The following UBE2E3 variants were observed in gnomAD, a reference collection of about 807,000 sequenced individuals.
UBE2E3 encodes ubiquitin conjugating enzyme E2 E3.
In UBE2E3, 5 loss-of-function variants were observed where a neutral mutation model predicts 23.6. That is an observed-to-expected ratio of 0.21 (90% CI 0.11 to 0.44). UBE2E3 has a LOEUF of 0.44. UBE2E3 is among the 20% of genes least tolerant of loss of function. The pLI, the probability that UBE2E3 is intolerant of heterozygous loss-of-function variation, is 0.99. For synonymous variants in UBE2E3, 78 were observed against 87.5 expected, an observed-to-expected ratio of 0.89 and a Z score of 0.60; for missense variants, 81 against 249.8, an observed-to-expected ratio of 0.32 and a Z score of 4.55.
chr2:180,992,565 T>G (rs4666663), intron 3 of UBE2E3, among the ~76,000 whole-genome samples: 35,299 of 152,144 alleles, frequency 0.23, 4,463 homozygotes, highest in Non-Finnish European at 0.28. Flanking sequence ...CTGTGTATCT[T>G]GTAGCTCTGA....
At chr2:181,034,220 A>G (rs1204340627) in intron 3 of UBE2E3, among the ~76,000 whole-genome samples, 1 of 152,234 alleles carries the variant, frequency 6.6e-6, no homozygotes, top group Non-Finnish European at 1.5e-5. Context: ...ATAAAGACAC[A>G]TACACATGTA....
chr2:181,060,847 T>C (rs1416202600), intron 5 of UBE2E3, 35 bp downstream of exon 5: 2 of 643,668 alleles, frequency 3.1e-6, no homozygotes. Flanking sequence ...ACAATAAGAC[T>C]ACAAAAACGA....
intron 3 of UBE2E3, chr2:180,990,041 A>G (rs1219189347): frequency 4.9e-6 from 7 of 1,429,288 alleles, no homozygotes; most frequent in African/African-American, 4.3e-5. Flanking sequence ...CCACATACCA[A>G]TTTTGACAGG....
At chr2:180,990,015 A>G (rs1684608515) in intron 3 of UBE2E3, 1 of 1,502,512 alleles carries the variant, frequency 6.7e-7, no homozygotes, top group Non-Finnish European at 9.0e-7. Flanking sequence ...AGAGAAATAG[A>G]AAGTGATTTT....
At chr2:180,985,212 A>AT (rs1684419336) in intron 3 of UBE2E3, among the ~76,000 whole-genome samples, 2 of 152,180 alleles carry the variant, frequency 1.3e-5, no homozygotes, top group African/African-American at 4.8e-5. Context: ...GGAAACATGA[A>AT]TGTAAACTAA....
At chr2:181,054,193 G>T (rs529991251) in intron 3 of UBE2E3, among the ~76,000 whole-genome samples, 15 of 151,782 alleles carry the variant, frequency 9.9e-5, no homozygotes, top group Non-Finnish European at 2.2e-4. Flanking sequence ...TAAGTTTTCA[G>T]TTCATTTGAG....
Position 180,993,267 on chromosome 2 carries a change from A to G in UBE2E3, c.245+9174A>G, listed in dbSNP as rs145320678. On this transcript the variant is annotated intron_variant, in intron 3 of 5. Coordinates refer to ENST00000410062, the MANE Select transcript of UBE2E3 (RefSeq NM_006357.4). ...TCCTTCTTTTTGGTCCTTGATGTAT[A>G]TAATACTTGTTTTAACTTTATGGTT... Among the ~76,000 whole-genome samples the G allele has an allele frequency of 2.8e-3, 420 of 152,318 alleles. 3 individuals are homozygous for G. Among genetic ancestry groups the G allele is most frequent in the African/African-American group, 9.7e-3 (404 of 41,570 alleles).
At chr2:181,042,894 C>A (rs1052958123) in intron 3 of UBE2E3, among the ~76,000 whole-genome samples, 6 of 152,200 alleles carry the variant, frequency 3.9e-5, no homozygotes, top group Non-Finnish European at 8.8e-5. Flanking sequence ...CGTCACACAT[C>A]TGGTAAATGC....
rs745573273 is a variant in UBE2E3, at chr2:180,981,999, C to T, written c.-25-19C>T. On this transcript the variant is annotated intron_variant, in intron 1 of 5. Coordinates refer to ENST00000410062, the MANE Select transcript of UBE2E3 (RefSeq NM_006357.4). The stretch of plus-strand genomic sequence containing the variant: ...AGATTTAACATTTTCTCCTCCTCCT[C>T]CCCTGTTCTCTTTAAAAGTTTTCCA... The T allele has an allele frequency of 3.2e-6, 5 of 1,541,856 alleles. No homozygotes were observed. The highest frequency in any genetic ancestry group is 2.3e-5 in the East Asian group (1 of 44,416).
chr2:180,988,312 A>G (rs1297751649), intron 3 of UBE2E3, among the ~76,000 whole-genome samples: 3 of 152,160 alleles, frequency 2.0e-5, no homozygotes, highest in African/African-American at 7.2e-5. Flanking sequence ...ATTGAGTACA[A>G]GTACATAACA....
At chr2:181,029,839 C>CTTTT (rs546001645) in intron 3 of UBE2E3, among the ~76,000 whole-genome samples, 9 of 131,946 alleles carry the variant, frequency 6.8e-5, no homozygotes, top group African/African-American at 2.5e-4. Context: ...AATTCGGTCC[C>CTTTT]TTTTTTTTTT....
intron 3 of UBE2E3, among the ~76,000 whole-genome samples, chr2:181,034,687 A>AG (rs146019158): frequency 6.6e-6 from 1 of 151,938 alleles, no homozygotes; most frequent in Non-Finnish European, 1.5e-5. Context: ...AAAAAAAATT[A>AG]AAAAGAAATT....
chr2:181,062,054 A>G (rs1214355504), intron 5 of UBE2E3, among the ~76,000 whole-genome samples: 2 of 151,722 alleles, frequency 1.3e-5, no homozygotes, highest in Admixed American at 6.6e-5. Flanking sequence ...CATATACACA[A>G]CATAATATTC....
intron 5 of UBE2E3, 42 bp downstream of exon 5, chr2:181,060,854 A>G: frequency 7.2e-7 from 1 of 1,384,768 alleles, no homozygotes; most frequent in Non-Finnish European, 9.5e-7. Flanking sequence ...GACTACAAAA[A>G]CGAGTGCTTT....
At chr2:181,026,691 C>T (rs1426005339) in intron 3 of UBE2E3, among the ~76,000 whole-genome samples, 1 of 151,712 alleles carries the variant, frequency 6.6e-6, no homozygotes, top group Non-Finnish European at 1.5e-5. Flanking sequence ...TTTGTTCCGC[C>T]ATTACTTCAG....
At position 180,990,131 on chromosome 2, in the gene UBE2E3, C is replaced by G. The variant is rs1410372463; in HGVS notation, c.245+6038C>G. 4 of 831,606 alleles carry G rather than the reference C, an allele frequency of 4.8e-6. No homozygotes were observed. The South Asian group carries it at 6.7e-5, about 14-fold the overall frequency. 51.5% of individuals were successfully genotyped at this position (831,606 alleles called of 1,614,324 possible). On this transcript the variant is annotated intron_variant, in intron 3 of 5. Transcript: ENST00000410062. ...TTTAACCTTTCTTTTGCCTTTTGAT[C>G]AGTGGTTCTCAACTGAGGCAATTTT...
Position 180,984,220 on chromosome 2 carries a change from A to G in UBE2E3, c.245+127A>G, listed in dbSNP as rs181545238. On this transcript the variant is annotated intron_variant, in intron 3 of 5. Coordinates refer to ENST00000410062, the MANE Select transcript of UBE2E3 (RefSeq NM_006357.4). ...TTCTTTACAGCTTTGCAAGTGCATT[A>G]AACAAAAATTGTAGAAGGTGAACTA... The G allele has an allele frequency of 5.6e-3, 3,803 of 682,658 alleles. 21 individuals carry two copies. Among genetic ancestry groups the G allele is most frequent in the Middle Eastern group, 6.6e-3 (24 of 3,652 alleles). The allele number at this position is 682,658 out of a possible 1,614,324, so 42.3% of individuals were successfully genotyped here.
chr2:181,012,121 G>A (rs1272433910), intron 3 of UBE2E3, among the ~76,000 whole-genome samples: 1 of 152,172 alleles, frequency 6.6e-6, no homozygotes, highest in African/African-American at 2.4e-5. Flanking sequence ...AATATGATCA[G>A]TCAGCAACTC....
intron 3 of UBE2E3, among the ~76,000 whole-genome samples, chr2:181,027,718 T>G (rs1685940989): frequency 6.6e-6 from 1 of 151,932 alleles, no homozygotes; most frequent in African/African-American, 2.4e-5. Context: ...CCTAGTGTCG[T>G]TTTTAAAATC....
Sources: gnomAD v4.1 joint callset for allele counts (sites outside exome capture counted in the v4.1 genomes callset) on GRCh38, gnomAD v4.1.1 for gene constraint, MANE v1.5 for transcripts, NCBI Gene and HGNC (gene_info 2026-07-23, HGNC 2026-07-21) for gene names.